ALMS1: variants seen among roughly 807,000 people sequenced by gnomAD.
The protein encoded by ALMS1 is ALMS1 centrosome and basal body associated protein, also known as centrosome-associated protein ALMS1.
In ALMS1, 271 loss-of-function variants were observed where a neutral mutation model predicts 352.2. That is an observed-to-expected ratio of 0.77 (90% CI 0.70 to 0.85). The LOEUF is 0.85. ALMS1 is among the 40% of genes least tolerant of loss of function. The probability of loss-of-function intolerance (pLI) is 0.00; values close to 1 mark genes in which losing one functional copy is unlikely to be tolerated. For missense variants in ALMS1, 5,445 were observed against 4,870.7 expected (o/e 1.12, Z -3.51); for synonymous variants, 1,865 against 1,761.2 (o/e 1.06, Z -1.48).
chr2:73,593,816 C>T (rs141395202), intron 16 of ALMS1, among the ~76,000 whole-genome samples: 1 of 152,210 alleles, frequency 6.6e-6, no homozygotes, highest in African/African-American at 2.4e-5. Context: ...TTTGCCTATT[C>T]TGGACCTTTC....
rs181212219 is a variant in ALMS1, at chr2:73,609,419, G to A, written c.12463-149G>A. ...TTTCGTGAAGTATTTTTTATATGAC[G>A]ACCATAGTTTCTGAAGCAGAGTAAA... On this transcript the variant is annotated intron_variant, in intron 22 of 22. Coordinates refer to ENST00000613296, the MANE Select transcript of ALMS1 (RefSeq NM_001378454.1). 509 of 747,574 alleles carry A rather than the reference G, an allele frequency of 6.8e-4. 1 individual carries two copies. The highest frequency in any genetic ancestry group is 9.7e-4 in the Non-Finnish European group (411 of 421,570). 46.3% of individuals were successfully genotyped at this position (747,574 alleles called of 1,614,324 possible).
At chr2:73,480,386 C>A (rs1025850599) in intron 9 of ALMS1, among the ~76,000 whole-genome samples, 1 of 152,092 alleles carries the variant, frequency 6.6e-6, no homozygotes, top group Non-Finnish European at 1.5e-5. Context: ...TCATCCATGT[C>A]CCTACAAAGG....
intron 12 of ALMS1, among the ~76,000 whole-genome samples, chr2:73,537,975 C>T (rs1365933146): frequency 6.6e-6 from 1 of 152,082 alleles, no homozygotes; most frequent in African/African-American, 2.4e-5. Context: ...CACTGCAGTC[C>T]ACTCTGGGCA....
intron 14 of ALMS1, among the ~76,000 whole-genome samples, chr2:73,558,480 T>C (rs1674589986): frequency 6.6e-6 from 1 of 152,236 alleles, no homozygotes; most frequent in Non-Finnish European, 1.5e-5. Flanking sequence ...CTAAACTCTT[T>C]TAGCACTGTC....
intron 22 of ALMS1, 37 bp downstream of exon 22, chr2:73,608,611 G>T: frequency 6.6e-7 from 1 of 1,509,400 alleles, no homozygotes; most frequent in South Asian, 1.1e-5. Context: ...GATGGATCAG[G>T]TTTATTGGCG....
At chr2:73,441,986 C>T (rs1274625578) in intron 7 of ALMS1, among the ~76,000 whole-genome samples, 1 of 152,140 alleles carries the variant, frequency 6.6e-6, no homozygotes. Flanking sequence ...TCTCAAGCCA[C>T]AGAAGATGGG....
chr2:73,430,906 T>C (rs1671486661), intron 6 of ALMS1, among the ~76,000 whole-genome samples: 1 of 151,914 alleles, frequency 6.6e-6, no homozygotes, highest in South Asian at 2.1e-4. Context: ...TATATTTATA[T>C]ATATTTATGT....
At position 73,451,128 on chromosome 2, in the gene ALMS1, A is replaced by G. The variant is rs751003573; in HGVS notation, c.4601A>G (p.Tyr1534Cys). ...SQHRAKSGSFYQLALLGSQIP... is the reference protein window; with the variant it reads ...SQHRAKSGSFCQLALLGSQIP... Reference sequence around the variant, plus strand: ...CATAGAGCAAAGTCTGGCAGTTTCTACCAACTGGCATTGCTAGGTAGTCAA... The same window carrying G: ...CATAGAGCAAAGTCTGGCAGTTTCTGCCAACTGGCATTGCTAGGTAGTCAA... Residue 1534 changes from tyrosine (Y) to cysteine (C), a missense_variant, in exon 8 of 23, where the codon TAC (tyrosine) becomes TGC (cysteine). Physicochemically the swap from Tyr to Cys is radical, Grantham distance 194. Transcript: ENST00000613296. The G allele has an allele frequency of 1.2e-6, 2 of 1,613,884 alleles. No homozygotes were observed. The highest frequency in any genetic ancestry group is 1.7e-6 in the Non-Finnish European group (2 of 1,179,930).
intron 9 of ALMS1, among the ~76,000 whole-genome samples, chr2:73,481,773 T>C (rs1009732795): frequency 3.3e-5 from 5 of 151,680 alleles, no homozygotes; most frequent in African/African-American, 7.3e-5. Context: ...TTTGTAGTTC[T>C]CCTTGAAGAG....
intron 2 of ALMS1, among the ~76,000 whole-genome samples, chr2:73,412,569 C>T (rs1671100344): frequency 6.6e-6 from 1 of 152,078 alleles, no homozygotes; most frequent in South Asian, 2.1e-4. Context: ...GTGGGTGGAT[C>T]ACTTGAGGTC....
rs1671917742 is a variant in ALMS1 at position 73,450,740 on chromosome 2, G to T, written c.4213G>T (p.Ala1405Ser). 2.5e-6 allele frequency: 4 copies of T among 1,612,164 alleles called. No individual in the cohort carries two copies. Among genetic ancestry groups the T allele is most frequent in the Non-Finnish European group, 3.4e-6 (4 of 1,179,494 alleles). The part of the protein sequence containing the change: ...SLPGSHLTEE[A>S]KNVSAVPGPG... The stretch of plus-strand genomic sequence containing the variant: ...GCCAGGTAGTCATCTAACTGAAGAG[G>T]CTAAGAACGTTTCAGCGGTTCCTGG... The change falls in exon 8 of 23, where the codon GCT (alanine) becomes TCT (serine). Residue 1405 changes from alanine to serine, a missense_variant. Physicochemically the swap from Ala to Ser is moderately conservative, Grantham distance 99. Transcript: ENST00000613296.
Position 73,602,326 on chromosome 2 carries a change from C to T in ALMS1, c.12256C>T (p.Arg4086Trp), listed in dbSNP as rs779618627. Residue 4086 changes from arginine (R) to tryptophan (W), a missense_variant, in exon 20 of 23, where the codon CGG becomes TGG. Transcript: ENST00000613296. ...RDALFNIDRE[R>W]QGHQNRMCPL... ...TGCACTATTCAACATTGACAGGGAA[C>T]GGCAGGGCCACCAGAATCGCATGTG... is the stretch of plus-strand genomic sequence containing the variant. 9 of 1,614,080 alleles carry T rather than the reference C, an allele frequency of 5.6e-6. No homozygotes were observed. Among genetic ancestry groups the T allele is most frequent in the Middle Eastern group, 1.6e-4 (1 of 6,084 alleles).
At chr2:73,527,374 A>C (rs944090084) in intron 11 of ALMS1, among the ~76,000 whole-genome samples, 1 of 152,050 alleles carries the variant, frequency 6.6e-6, no homozygotes, top group African/African-American at 2.4e-5. Context: ...TATTTGGTAC[A>C]ATTCGGCAGT....
intron 13 of ALMS1, 121 bp downstream of exon 13, chr2:73,550,558 T>C: frequency 1.5e-6 from 2 of 1,307,934 alleles, no homozygotes; most frequent in South Asian, 2.7e-5. Context: ...TCCTTGCTGT[T>C]ATATTGAGCA....
At chr2:73,404,703 A>G (rs1187478158) in intron 1 of ALMS1, among the ~76,000 whole-genome samples, 1 of 151,958 alleles carries the variant, frequency 6.6e-6, no homozygotes, top group Non-Finnish European at 1.5e-5. Flanking sequence ...TTTTTACATC[A>G]ATAGTCGTCG....
chr2:73,424,771 T>C lies in ALMS1; in HGVS notation c.1106T>C (p.Val369Ala), dbSNP rs748293069. Reference sequence around the variant, plus strand: ...TTAGCTGATAAAGATCAAGTTTCAGTTGCAACTTCATTTGACATAACTGAT... The same window carrying C: ...TTAGCTGATAAAGATCAAGTTTCAGCTGCAACTTCATTTGACATAACTGAT... ...NNLADKDQVS[V>A]ATSFDITDEN... Residue 369 changes from valine to alanine, a missense_variant, in exon 5 of 23, where the codon GTT (valine) becomes GCT (alanine). Transcript: ENST00000613296. The C allele has an allele frequency of 4.3e-6, 7 of 1,613,714 alleles. No individual in the cohort carries two copies. The South Asian group carries it at 7.7e-5, about 18-fold the overall frequency.
chr2:73,585,561 T>A (rs1263210341), intron 16 of ALMS1, among the ~76,000 whole-genome samples: 1 of 151,010 alleles, frequency 6.6e-6, no homozygotes, highest in Non-Finnish European at 1.5e-5. Flanking sequence ...GTCTGGCTAA[T>A]TTTTTTGTAT....
At chr2:73,440,460 C>G (rs751588328) in intron 7 of ALMS1, among the ~76,000 whole-genome samples, 16 of 152,084 alleles carry the variant, frequency 1.1e-4, no homozygotes, top group Non-Finnish European at 2.1e-4. Context: ...GTCTTTCTCT[C>G]TCTCTCTCTC....
chr2:73,499,299 TTG>T (rs1673172432), intron 10 of ALMS1, among the ~76,000 whole-genome samples: 1 of 152,188 alleles, frequency 6.6e-6, no homozygotes, highest in Non-Finnish European at 1.5e-5. Flanking sequence ...ATTCTGTAGG[TTG>T]TCTTCTTCAC....
Sources: allele counts gnomAD v4.1 joint callset (sites outside exome capture counted in the v4.1 genomes callset), GRCh38; gene constraint gnomAD v4.1.1; transcripts MANE v1.5; gene names NCBI Gene and HGNC (gene_info 2026-07-23, HGNC 2026-07-21).